Variants in HIVEP3 observed in about 807,000 individuals in gnomAD.
HIVEP3 encodes HIVEP zinc finger 3.
Under a neutral mutation model 152.8 loss-of-function variants are expected in HIVEP3, and 49 were observed. That is an observed-to-expected ratio of 0.32 (90% CI 0.26 to 0.41). HIVEP3 has a LOEUF of 0.41. Ranked by LOEUF, HIVEP3 falls within the 10% of genes least tolerant of loss-of-function variation. The pLI is 1.00. For synonymous variants in HIVEP3, 1,269 were observed against 1,289.0 expected (o/e 0.98, Z 0.33); for missense variants, 2,790 against 3,103.3 (o/e 0.90, Z 2.40).
At chr1:41,630,763 G>C (rs1645183432) in intron 2 of HIVEP3, among the ~76,000 whole-genome samples, 1 of 152,178 alleles carries the variant, frequency 6.6e-6, no homozygotes, top group Non-Finnish European at 1.5e-5. Flanking sequence ...CTCTGTACCA[G>C]ACTTCTGCCC....
At chr1:41,804,834 C>T (rs1650506882) in intron 1 of HIVEP3, among the ~76,000 whole-genome samples, 1 of 152,176 alleles carries the variant, frequency 6.6e-6, no homozygotes, top group Admixed American at 6.5e-5. Flanking sequence ...TTTAGAGCAT[C>T]TCCTATCCTC....
intron 1 of HIVEP3, among the ~76,000 whole-genome samples, chr1:41,709,055 T>C (rs1646475163): frequency 6.6e-6 from 1 of 152,168 alleles, no homozygotes; most frequent in South Asian, 2.1e-4. Context: ...CTGGGGAAGA[T>C]GTTCCTCTTC....
At chr1:41,986,389 G>A (rs1645322629) in intron 1 of HIVEP3, among the ~76,000 whole-genome samples, 2 of 150,576 alleles carry the variant, frequency 1.3e-5, no homozygotes, top group Admixed American at 1.3e-4. Flanking sequence ...AGTATTTGTT[G>A]AACAAGTGGT....
At chr1:41,998,005 A>C (rs538327398) in intron 1 of HIVEP3, among the ~76,000 whole-genome samples, 1 of 152,204 alleles carries the variant, frequency 6.6e-6, no homozygotes, top group Non-Finnish European at 1.5e-5. Context: ...ACTACCTGTT[A>C]TATCAGTTTA....
intron 2 of HIVEP3, among the ~76,000 whole-genome samples, chr1:41,629,900 T>C (rs1645169792): frequency 6.6e-6 from 1 of 152,178 alleles, no homozygotes; most frequent in Non-Finnish European, 1.5e-5. Flanking sequence ...AGAACGACCA[T>C]TCGACCCAGA....
intron 1 of HIVEP3, among the ~76,000 whole-genome samples, chr1:42,013,315 C>T (rs1347884039): frequency 6.6e-6 from 1 of 152,182 alleles, no homozygotes; most frequent in Non-Finnish European, 1.5e-5. Context: ...TTAATACAGT[C>T]ACATTCTGAG....
intron 5 of HIVEP3, among the ~76,000 whole-genome samples, chr1:41,574,321 C>A (rs543252235): frequency 1.3e-5 from 2 of 152,148 alleles, no homozygotes; most frequent in Non-Finnish European, 2.9e-5. Flanking sequence ...CCTCCCCACA[C>A]GGAAAGAGGG....
chr1:41,736,838 G>T (rs77549955), intron 1 of HIVEP3, among the ~76,000 whole-genome samples: 1 of 152,160 alleles, frequency 6.6e-6, no homozygotes, highest in Non-Finnish European at 1.5e-5. Flanking sequence ...GCCTGTCAGA[G>T]GGATGTGGCC....
At chr1:41,733,465 TCCAG>T (rs1291741511) in intron 1 of HIVEP3, among the ~76,000 whole-genome samples, 2 of 152,180 alleles carry the variant, frequency 1.3e-5, no homozygotes, top group Non-Finnish European at 2.9e-5. Flanking sequence ...TTAGTGGCCA[TCCAG>T]CCTCTCCCTA....
intron 3 of HIVEP3, among the ~76,000 whole-genome samples, chr1:41,595,347 G>C (rs937356375): frequency 6.6e-6 from 1 of 152,182 alleles, no homozygotes; most frequent in Non-Finnish European, 1.5e-5. Context: ...TCAGCCATTG[G>C]CGTTTCAGTC....
intron 2 of HIVEP3, among the ~76,000 whole-genome samples, chr1:41,698,010 T>C (rs921282459): frequency 2.6e-5 from 4 of 152,118 alleles, no homozygotes; most frequent in Admixed American, 6.5e-5. Flanking sequence ...GTGCGTCAGT[T>C]GTCATCTGTA....
intron 1 of HIVEP3, among the ~76,000 whole-genome samples, chr1:41,916,342 G>T (rs2124470402): frequency 6.6e-6 from 1 of 152,304 alleles, no homozygotes; most frequent in East Asian, 1.9e-4. Flanking sequence ...CCACTGGGGT[G>T]TTGAGGGCAA....
intron 1 of HIVEP3, among the ~76,000 whole-genome samples, chr1:41,966,269 A>G (rs957023755): frequency 1.3e-5 from 2 of 152,170 alleles, no homozygotes; most frequent in Admixed American, 1.3e-4. Flanking sequence ...CAGCCACTAA[A>G]AAAACACACT....
intron 1 of HIVEP3, among the ~76,000 whole-genome samples, chr1:41,841,016 G>A (rs78199000): frequency 0.073 from 11,151 of 152,220 alleles, 554 homozygotes; most frequent in Middle Eastern, 0.11. Context: ...GTCTCTGTCC[G>A]GTAATAAAAT....
chr1:41,968,243 A>C (rs1313841284), intron 1 of HIVEP3, among the ~76,000 whole-genome samples: 1 of 140,728 alleles, frequency 7.1e-6, no homozygotes, highest in Non-Finnish European at 1.6e-5. Flanking sequence ...GCAGAGATAC[A>C]AAAAAAAAAA....
At chr1:41,803,502 A>G (rs945075381) in intron 1 of HIVEP3, among the ~76,000 whole-genome samples, 1 of 152,170 alleles carries the variant, frequency 6.6e-6, no homozygotes, top group Non-Finnish European at 1.5e-5. Flanking sequence ...CATGTCTGCA[A>G]AGTGAGTCTT....
intron 1 of HIVEP3, among the ~76,000 whole-genome samples, chr1:41,740,103 C>T (rs983314434): frequency 2.6e-5 from 4 of 152,244 alleles, no homozygotes; most frequent in African/African-American, 9.6e-5. Flanking sequence ...AAACCTAAGT[C>T]CTCCAGGTCT....
At chr1:41,619,020 C>G (rs961978924) in intron 3 of HIVEP3, among the ~76,000 whole-genome samples, 1 of 152,164 alleles carries the variant, frequency 6.6e-6, no homozygotes, top group Non-Finnish European at 1.5e-5. Flanking sequence ...CCCCCGCCCC[C>G]TCCAGGGCAG....
intron 2 of HIVEP3, among the ~76,000 whole-genome samples, chr1:41,653,934 G>A (rs1466178572): frequency 1.5e-5 from 2 of 129,530 alleles, no homozygotes; most frequent in African/African-American, 6.0e-5. Context: ...CTCTCCCTGG[G>A]CCTAAATATT....
Sources: gnomAD v4.1 joint callset for allele counts (sites outside exome capture counted in the v4.1 genomes callset) on GRCh38, gnomAD v4.1.1 for gene constraint, MANE v1.5 for transcripts, NCBI Gene and HGNC (gene_info 2026-07-23, HGNC 2026-07-21) for gene names.